MCF2L2: variants seen among roughly 807,000 people sequenced by gnomAD.
The protein encoded by MCF2L2 is probable guanine nucleotide exchange factor MCF2L2.
Under a neutral mutation model 150.2 loss-of-function variants are expected in MCF2L2, and 102 were observed. The ratio of observed to expected loss-of-function variants is 0.68; its 90% CI spans 0.58 to 0.80. The LOEUF (loss-of-function observed/expected upper bound fraction) is 0.80, where lower values mean the gene tolerates loss of function less well. MCF2L2 is among the 30% of genes least tolerant of loss of function. The pLI is 0.00. For synonymous variants in MCF2L2, 465 were observed against 491.3 expected (o/e 0.95, Z 0.71); for missense variants, 1,256 against 1,372.8 (o/e 0.91, Z 1.34).
intron 11 of MCF2L2, chr3:183,298,031 G>C (rs1387881819): frequency 1.3e-5 from 2 of 152,150 alleles, no homozygotes; most frequent in African/African-American, 2.4e-5. Flanking sequence ...TTTCATCTTT[G>C]GATTCCCAGG....
chr3:183,296,877 G>T, intron 12 of MCF2L2, 99 bp downstream of exon 12: 3 of 1,331,794 alleles, frequency 2.3e-6, no homozygotes, highest in Non-Finnish European at 3.1e-6. Flanking sequence ...AATTCAGCCT[G>T]CTCAGTACCC....
At chr3:183,337,972 G>C (rs1396864957) in intron 5 of MCF2L2, among the ~76,000 whole-genome samples, 1 of 152,080 alleles carries the variant, frequency 6.6e-6, no homozygotes, top group Non-Finnish European at 1.5e-5. Flanking sequence ...GTTTTAATTT[G>C]TTTTTCTCTT....
chr3:183,424,546 T>C (rs920265951), intron 1 of MCF2L2, among the ~76,000 whole-genome samples: 1 of 152,190 alleles, frequency 6.6e-6, no homozygotes, highest in African/African-American at 2.4e-5. Flanking sequence ...TAAGTGGCTA[T>C]CTAGGGTACA....
chr3:183,351,213 TATATATATATATA>T, intron 3 of MCF2L2, among the ~76,000 whole-genome samples: 2 of 83,628 alleles, frequency 2.4e-5, no homozygotes, highest in South Asian at 8.1e-4. Flanking sequence ...TATATATATA[TATATATATATATA>T]TATATATATA....
chr3:183,423,635 T>C (rs1485785943), intron 1 of MCF2L2, among the ~76,000 whole-genome samples: 1 of 102,232 alleles, frequency 9.8e-6, no homozygotes, highest in African/African-American at 5.8e-5. Context: ...TTTATTTGTT[T>C]TTTTTTTTTT....
chr3:183,238,573 G>A lies in MCF2L2; in HGVS notation c.1863-7556C>T, dbSNP rs193116232. On this transcript the variant is annotated intron_variant, in intron 15 of 29. Transcript: ENST00000328913. ...CTCCCAAAGTGCTGGGATTACAGGCGTGAGCCACCTCGCCTGGCCAGTGTT... is the reference window on the plus strand; with the variant it reads ...CTCCCAAAGTGCTGGGATTACAGGCATGAGCCACCTCGCCTGGCCAGTGTT... Among the ~76,000 whole-genome samples, 109 of 151,708 alleles carry A rather than the reference G, an allele frequency of 7.2e-4. 2 individuals carry two copies. The East Asian group carries it at 0.019, about 26-fold the overall frequency.
intron 6 of MCF2L2, among the ~76,000 whole-genome samples, chr3:183,319,055 A>C (rs1729708600): frequency 6.6e-6 from 1 of 152,264 alleles, no homozygotes; most frequent in Non-Finnish European, 1.5e-5. Context: ...GTAGCATGCG[A>C]AACTGTTTGG....
At chr3:183,333,754 T>C (rs774043740) in intron 5 of MCF2L2, among the ~76,000 whole-genome samples, 2 of 152,124 alleles carry the variant, frequency 1.3e-5, no homozygotes, top group African/African-American at 2.4e-5. Flanking sequence ...TACGTGCATA[T>C]ATTTACAGCT....
At chr3:183,218,489 G>A (rs1365465158) in intron 21 of MCF2L2, among the ~76,000 whole-genome samples, 1 of 152,024 alleles carries the variant, frequency 6.6e-6, no homozygotes, top group Non-Finnish European at 1.5e-5. Context: ...ACAAAAATTA[G>A]CCGGGCGTGG....
At chr3:183,331,012 G>A (rs1465335628) in intron 5 of MCF2L2, among the ~76,000 whole-genome samples, 1 of 152,084 alleles carries the variant, frequency 6.6e-6, no homozygotes, top group African/African-American at 2.4e-5. Flanking sequence ...CTTAGAGACA[G>A]GGAAGGGGTT....
At chr3:183,232,206 T>TC (rs1723590954) in intron 15 of MCF2L2, among the ~76,000 whole-genome samples, 1 of 152,050 alleles carries the variant, frequency 6.6e-6, no homozygotes, top group Non-Finnish European at 1.5e-5. Context: ...TGAGAGTGGC[T>TC]CCCAGCTGAC....
chr3:183,258,020 T>A (rs1432260230), intron 15 of MCF2L2, among the ~76,000 whole-genome samples: 8 of 123,762 alleles, frequency 6.5e-5, no homozygotes, highest in Non-Finnish European at 1.3e-4. Flanking sequence ...CAGGCTGGAG[T>A]GCAATGGTGC....
chr3:183,179,387 T>A lies in MCF2L2; in HGVS notation c.3338A>T (p.Glu1113Val). Residue 1113 changes from glutamate to valine, a missense_variant, in exon 30 of 30, where the codon GAG becomes GTG. Glu to Val is a moderately radical substitution (Grantham distance 121, BLOSUM62 -2). Coordinates refer to ENST00000328913, the MANE Select transcript of MCF2L2 (RefSeq NM_015078.4). This position sits in a 1 kb window ranked among gnomAD's most constrained non-coding sequence, Gnocchi z 4.2. Reference sequence around the variant, plus strand: ...GGGGCGTCCGCAGGGAGGTCAGCTCTCCTGGGCGGAGGTCCTCGGGCGCAG... The same window carrying A: ...GGGGCGTCCGCAGGGAGGTCAGCTCACCTGGGCGGAGGTCCTCGGGCGCAG... ...RALRPRTSAQ[E>V]S 1 of 1,539,770 alleles carries A rather than the reference T, an allele frequency of 6.5e-7. No homozygotes were observed. The highest frequency in any genetic ancestry group is 1.2e-5 in the South Asian group (1 of 83,062).
chr3:183,311,813 A>C, intron 7 of MCF2L2, 41 bp from the exon 8 acceptor site: 1 of 1,585,830 alleles, frequency 6.3e-7, no homozygotes, highest in Non-Finnish European at 8.6e-7. Context: ...GAATTAGAAA[A>C]AACAAATTCT....
At chr3:183,347,281 C>T (rs1229824509) in intron 3 of MCF2L2, among the ~76,000 whole-genome samples, 1 of 152,070 alleles carries the variant, frequency 6.6e-6, no homozygotes, top group Non-Finnish European at 1.5e-5. Context: ...CTTTGATGAA[C>T]CTGACAAAAA....
chr3:183,391,306 G>C (rs1435306190), intron 1 of MCF2L2, among the ~76,000 whole-genome samples: 1 of 149,206 alleles, frequency 6.7e-6, no homozygotes. Flanking sequence ...TGGGCCAAGT[G>C]CCAGCTTAAG....
At position 183,338,939 on chromosome 3, in the gene MCF2L2, T is replaced by C; in HGVS notation, c.367-20A>G. ...TGCCACCTGCAAGCATCAGGAAAAG[T>C]GTCAGGAGGAGAGAGAAAAATGTCA... On this transcript the variant is annotated intron_variant, in intron 4 of 29. Coordinates refer to ENST00000328913, the MANE Select transcript of MCF2L2 (RefSeq NM_015078.4). The C allele has an allele frequency of 6.3e-7, 1 of 1,591,516 alleles. No individual in the cohort carries two copies. Among genetic ancestry groups the C allele is most frequent in the Non-Finnish European group, 8.6e-7 (1 of 1,163,788 alleles).
Position 183,270,078 on chromosome 3 carries a change from G to A in MCF2L2, c.1862+6794C>T. 1.9e-6 allele frequency: 3 copies of A among 1,614,128 alleles called. No homozygotes were observed. ...TCAAGACGTCCTCCTTTTACTGTTT[G>A]TAAAAACTGCTCCTGAAAACTATGA... On this transcript the variant is annotated intron_variant, in intron 15 of 29. Transcript: ENST00000328913. This position sits in a 1 kb window ranked among gnomAD's most constrained non-coding sequence, Gnocchi z 4.5.
chr3:183,229,161 G>A (rs1398871557), intron 17 of MCF2L2, among the ~76,000 whole-genome samples: 2 of 152,130 alleles, frequency 1.3e-5, no homozygotes, highest in African/African-American at 2.4e-5. Context: ...ACATGAAAGG[G>A]TTTGAAGATG....
Sources: allele counts gnomAD v4.1 joint callset (sites outside exome capture counted in the v4.1 genomes callset), GRCh38; gene constraint gnomAD v4.1.1; non-coding constraint Gnocchi (gnomAD v3.1); transcripts MANE v1.5; gene names NCBI Gene and HGNC (gene_info 2026-07-23, HGNC 2026-07-21).